The following ZNF91 variants were observed in gnomAD, a reference collection of about 807,000 sequenced individuals.
ZNF91 encodes zinc finger protein 91 (HPF7, HTF10).
A neutral mutation model predicts 12.6 loss-of-function variants in ZNF91; 7 were observed. The observed-to-expected ratio is 0.55, with a 90% confidence interval of 0.31 to 1.04. ZNF91 has a LOEUF of 1.04. ZNF91 is among the 50% of genes least tolerant of loss of function. The pLI is 0.05. For missense variants in ZNF91, 1,217 were observed against 1,385.4 expected, an observed-to-expected ratio of 0.88 and a Z score of 1.93; for synonymous variants, 453 against 462.6, an observed-to-expected ratio of 0.98 and a Z score of 0.27.
downstream of ZNF91, among the ~76,000 whole-genome samples, chr19:23,353,436 A>T (rs781518890): frequency 6.6e-5 from 10 of 152,168 alleles, no homozygotes; most frequent in Non-Finnish European, 1.2e-4. Context: ...AACCTATCAA[A>T]ACCTCTGGGA....
rs1969252670 is a variant in ZNF91, at chr19:23,370,946, T to G, written c.253+2796A>C. On this transcript the variant is annotated intron_variant, in intron 3 of 3. Coordinates refer to ENST00000300619, the MANE Select transcript of ZNF91 (RefSeq NM_003430.4). ...AAATTACCTTCAAATCACAAAAACT[T>G]TTTTTCACACAAAGGAAATACATAT... 2.0e-5 allele frequency among the ~76,000 whole-genome samples: 3 copies of G among 152,154 alleles called. No individual in the cohort carries two copies. In the South Asian group the frequency reaches 6.2e-4, roughly 32 times the overall value.
downstream of ZNF91, chr19:23,357,631 A>G (rs1320746957): frequency 6.6e-6 from 1 of 152,240 alleles, no homozygotes; most frequent in African/African-American, 2.4e-5. Context: ...TTGCAGGCAG[A>G]GGCCACATGT....
chr19:23,390,790 C>T (rs1009232583), intron 1 of ZNF91, among the ~76,000 whole-genome samples: 1 of 152,132 alleles, frequency 6.6e-6, no homozygotes, highest in Non-Finnish European at 1.5e-5. Flanking sequence ...ATTGCTCAGG[C>T]TGGTCTCAAA....
rs749333704 is a variant in ZNF91 at position 23,361,220 on chromosome 19, A to G, written c.1759T>C (p.Ser587Pro). 2 of 1,613,552 alleles carry G rather than the reference A, an allele frequency of 1.2e-6. No homozygotes were observed. Among genetic ancestry groups the G allele is most frequent in the Admixed American group, 3.3e-5 (2 of 59,994 alleles). The part of the protein sequence containing the change: ...EECGKAFNHS[S>P]SLSTHKIIHT... ...ATTATCTTATGTGTAGAAAGACTTGAGGAATGATTAAAAGCTTTGCCACAT... is the reference window on the plus strand; with the variant it reads ...ATTATCTTATGTGTAGAAAGACTTGGGGAATGATTAAAAGCTTTGCCACAT... The change falls in exon 4 of 4, where the codon TCA becomes CCA. Residue 587 changes from serine to proline, a missense_variant. Transcript: ENST00000300619.
chr19:23,324,559 G>C (rs1053067332), intron 1 of ZNF91: 11 of 150,602 alleles, frequency 7.3e-5, no homozygotes, highest in Non-Finnish European at 1.6e-4. Flanking sequence ...ATGTATATAC[G>C]TATGTATACA....
intron 3 of ZNF91, among the ~76,000 whole-genome samples, chr19:23,348,957 G>C (rs550327032): frequency 2.0e-5 from 3 of 152,094 alleles, no homozygotes; most frequent in African/African-American, 7.2e-5. Flanking sequence ...TGAGAGAAGG[G>C]ATGAAATACA....
intron 3 of ZNF91, chr19:23,339,347 C>T (rs921814776): frequency 6.6e-6 from 1 of 151,920 alleles, no homozygotes; most frequent in Admixed American, 6.6e-5. Flanking sequence ...TATATATGAA[C>T]CCAACATCAC....
chr19:23,392,460 T>A (rs1970100396), intron 1 of ZNF91, among the ~76,000 whole-genome samples: 1 of 151,372 alleles, frequency 6.6e-6, no homozygotes, highest in African/African-American at 2.4e-5. Flanking sequence ...GTATCAAGTT[T>A]CATCACATAA....
chr19:23,356,932 A>G (rs557321880), downstream of ZNF91, among the ~76,000 whole-genome samples: 99 of 152,262 alleles, frequency 6.5e-4, no homozygotes, highest in African/African-American at 2.3e-3. Flanking sequence ...TGTCTCTACT[A>G]AAAATACAAA....
At chr19:23,319,354 TTTTG>T (rs1401221877) in intron 1 of ZNF91, among the ~76,000 whole-genome samples, 7 of 152,214 alleles carry the variant, frequency 4.6e-5, no homozygotes, top group African/African-American at 9.6e-5. Flanking sequence ...TGCCATACCT[TTTTG>T]TTTATCACCT....
chr19:23,331,250 T>C (rs1467312067), intron 1 of ZNF91, among the ~76,000 whole-genome samples: 1 of 151,142 alleles, frequency 6.6e-6, no homozygotes, highest in Non-Finnish European at 1.5e-5. Flanking sequence ...TGAATGAAAG[T>C]TGAATATATT....
At chr19:23,378,935 G>C (rs1019819807) in intron 1 of ZNF91, among the ~76,000 whole-genome samples, 5 of 152,138 alleles carry the variant, frequency 3.3e-5, no homozygotes, top group African/African-American at 1.2e-4. Flanking sequence ...AAGTACCAGG[G>C]AACTAGAGAA....
intron 3 of ZNF91, among the ~76,000 whole-genome samples, chr19:23,370,173 C>T (rs1969217614): frequency 6.6e-6 from 1 of 151,246 alleles, no homozygotes; most frequent in African/African-American, 2.4e-5. Flanking sequence ...AAATATGCAT[C>T]ATAAGACCCT....
downstream of ZNF91, among the ~76,000 whole-genome samples, chr19:23,355,447 C>T (rs1438938562): frequency 6.6e-6 from 1 of 151,940 alleles, no homozygotes; most frequent in Admixed American, 6.6e-5. Flanking sequence ...TAAAAGAAAC[C>T]AACTCAAGAT....
intron 3 of ZNF91, among the ~76,000 whole-genome samples, chr19:23,371,963 A>G (rs1250668319): frequency 6.6e-6 from 1 of 152,210 alleles, no homozygotes; most frequent in Non-Finnish European, 1.5e-5. Flanking sequence ...AATTATGTAT[A>G]TATTTAGCAA....
In ZNF91 at chr19:23,323,602, TTCC is replaced by T. The variant is rs200477466; in HGVS notation, n.117-14508_117-14506del. On this transcript the variant is annotated intron_variant and non_coding_transcript_variant, in intron 1 of 1. Transcript: ENST00000596528. ...TCCTCCCATCCTCCTTTTCCTTCTT[TTCC>T]TCCTCCTTTTCTCTTCTCCTTTCTC... is the stretch of plus-strand genomic sequence containing the variant. Among the ~76,000 whole-genome samples, 55 of 142,274 alleles carry T rather than the reference TTCC, an allele frequency of 3.9e-4. 1 individual carries two copies. Among genetic ancestry groups the T allele is most frequent in the African/African-American group, 7.6e-4 (28 of 36,654 alleles). 93.3% of individuals were successfully genotyped at this position (142,274 alleles called of 152,430 possible). A position where few individuals can be genotyped will look rare whatever the true frequency, so the allele number is the denominator to read the frequency against.
intron 2 of ZNF91, chr19:23,308,185 G>T (rs1967423082): frequency 6.6e-6 from 1 of 152,074 alleles, no homozygotes; most frequent in Non-Finnish European, 1.5e-5. Context: ...CTAGCAGGTG[G>T]AAGGCTTCAG....
intron 1 of ZNF91, among the ~76,000 whole-genome samples, chr19:23,329,394 A>C (rs1187619520): frequency 6.6e-6 from 1 of 152,172 alleles, no homozygotes; most frequent in African/African-American, 2.4e-5. Flanking sequence ...ACTCCTTTCA[A>C]GGCCTGATTT....
chr19:23,344,688 T>A (rs1022401964), intron 3 of ZNF91, among the ~76,000 whole-genome samples: 3 of 152,320 alleles, frequency 2.0e-5, no homozygotes, highest in South Asian at 4.1e-4. Flanking sequence ...CTCACTGATA[T>A]CTGAGGACCC....
Sources: allele counts gnomAD v4.1 joint callset (sites outside exome capture counted in the v4.1 genomes callset), GRCh38; gene constraint gnomAD v4.1.1; transcripts MANE v1.5; gene names NCBI Gene and HGNC (gene_info 2026-07-23, HGNC 2026-07-21).